Variants in XPR1 observed in about 807,000 individuals in gnomAD.
The protein encoded by XPR1 is xenotropic and polytropic retrovirus receptor 1.
Under a neutral mutation model 87.5 loss-of-function variants are expected in XPR1, and 28 were observed. That is an observed-to-expected ratio of 0.32 (90% CI 0.24 to 0.44). The LOEUF is 0.44. XPR1 is among the 20% of genes least tolerant of loss of function. The pLI, the probability that XPR1 is intolerant of heterozygous loss-of-function variation, is 1.00. For missense variants in XPR1, 559 were observed against 862.3 expected, an observed-to-expected ratio of 0.65 and a Z score of 4.41; for synonymous variants, 300 against 306.1, an observed-to-expected ratio of 0.98 and a Z score of 0.21.
intron 1 of XPR1, among the ~76,000 whole-genome samples, chr1:180,680,617 C>A (rs1656543391): frequency 6.6e-6 from 1 of 152,094 alleles, no homozygotes; most frequent in South Asian, 2.1e-4. Flanking sequence ...CTCTCCTCGG[C>A]CTCCCAAAGT....
intron 7 of XPR1, among the ~76,000 whole-genome samples, chr1:180,818,501 A>G (rs1168031807): frequency 6.6e-6 from 1 of 152,166 alleles, no homozygotes; most frequent in East Asian, 1.9e-4. Context: ...GAGAAAAACC[A>G]ATTTATAGTG....
intron 11 of XPR1, among the ~76,000 whole-genome samples, chr1:180,837,220 TGAGAA>T (rs1051871825): frequency 3.7e-4 from 56 of 152,226 alleles, no homozygotes; most frequent in African/African-American, 1.2e-3. Flanking sequence ...GCTCTTCTGT[TGAGAA>T]GAGAAAAGGC....
chr1:180,668,847 T>C (rs1656057287), intron 1 of XPR1, among the ~76,000 whole-genome samples: 1 of 152,140 alleles, frequency 6.6e-6, no homozygotes. Flanking sequence ...CCCAGCACTT[T>C]GGGAGGCCGA....
chr1:180,764,431 T>C (rs1648189490), intron 2 of XPR1, among the ~76,000 whole-genome samples: 1 of 152,078 alleles, frequency 6.6e-6, no homozygotes, highest in Admixed American at 6.6e-5. Flanking sequence ...TGTAATCTTT[T>C]TTTTTTTTAA....
At chr1:180,721,568 C>CT (rs1424117421) in intron 2 of XPR1, among the ~76,000 whole-genome samples, 4 of 152,194 alleles carry the variant, frequency 2.6e-5, no homozygotes, top group Non-Finnish European at 5.9e-5. Flanking sequence ...CATTGTCCTA[C>CT]TATATGTAAA....
At chr1:180,684,453 A>G (rs1656692885) in intron 2 of XPR1, among the ~76,000 whole-genome samples, 1 of 152,028 alleles carries the variant, frequency 6.6e-6, no homozygotes, top group African/African-American at 2.4e-5. Context: ...TTGGCTTAGG[A>G]TTGACTTGGC....
chr1:180,771,282 G>T (rs74135822), intron 2 of XPR1, among the ~76,000 whole-genome samples: 2,548 of 148,832 alleles, frequency 0.017, 68 homozygotes, highest in African/African-American at 0.057. Flanking sequence ...GTTTGAATTG[G>T]TTTTTTTTTT....
chr1:180,803,736 T>C, intron 4 of XPR1, 125 bp downstream of exon 4: 1 of 758,294 alleles, frequency 1.3e-6, no homozygotes, highest in Non-Finnish European at 2.1e-6. Context: ...CATGTTGTTA[T>C]TCTTGGGGTT....
chr1:180,845,724 T>A (rs1651658166), intron 11 of XPR1, among the ~76,000 whole-genome samples: 1 of 147,288 alleles, frequency 6.8e-6, no homozygotes, highest in Admixed American at 6.9e-5. Flanking sequence ...GTCTCACTAC[T>A]GTTGCCCAGG....
intron 14 of XPR1, among the ~76,000 whole-genome samples, chr1:180,880,875 A>G (rs1374342552): frequency 6.6e-6 from 1 of 152,176 alleles, no homozygotes; most frequent in African/African-American, 2.4e-5. Context: ...TATGTTGCTA[A>G]AAGTTACCAT....
intron 2 of XPR1, among the ~76,000 whole-genome samples, chr1:180,699,401 T>A (rs1657283484): frequency 1.8e-5 from 2 of 113,550 alleles, no homozygotes; most frequent in Admixed American, 1.8e-4. Flanking sequence ...AGTGTGATAT[T>A]CCCCTTCCTG....
At chr1:180,709,869 C>A (rs1309192828) in intron 2 of XPR1, among the ~76,000 whole-genome samples, 1 of 148,252 alleles carries the variant, frequency 6.7e-6, no homozygotes, top group African/African-American at 2.5e-5. Flanking sequence ...TGTTTTTCTC[C>A]TATTCTTGAG....
At chr1:180,815,635 T>C (rs1399812410) in intron 7 of XPR1, among the ~76,000 whole-genome samples, 1 of 152,236 alleles carries the variant, frequency 6.6e-6, no homozygotes, top group Non-Finnish European at 1.5e-5. Context: ...ATTAATTTCA[T>C]TAAGATGAAA....
chr1:180,665,461 A>G (rs1376580611), intron 1 of XPR1, among the ~76,000 whole-genome samples: 1 of 152,248 alleles, frequency 6.6e-6, no homozygotes, highest in Non-Finnish European at 1.5e-5. Flanking sequence ...ATTGGGAACC[A>G]CTGGCCTAGA....
intron 2 of XPR1, among the ~76,000 whole-genome samples, chr1:180,751,356 A>G (rs1647528761): frequency 1.3e-5 from 2 of 152,064 alleles, no homozygotes; most frequent in African/African-American, 2.4e-5. Context: ...CTAATAATAG[A>G]GGAATTCTTT....
chr1:180,654,971 C>G (rs12087837), intron 1 of XPR1, among the ~76,000 whole-genome samples: 1 of 152,092 alleles, frequency 6.6e-6, no homozygotes, highest in African/African-American at 2.4e-5. Context: ...TATAAAAAAT[C>G]AAAATCTATA....
chr1:180,805,761 A>G (rs774311488), intron 4 of XPR1, among the ~76,000 whole-genome samples: 7 of 152,262 alleles, frequency 4.6e-5, no homozygotes, highest in Non-Finnish European at 8.8e-5. Flanking sequence ...TTATACATAG[A>G]AAACAGGAAA....
At chr1:180,722,462 T>G (rs540755805) in intron 2 of XPR1, among the ~76,000 whole-genome samples, 2 of 152,312 alleles carry the variant, frequency 1.3e-5, no homozygotes, top group South Asian at 4.1e-4. Context: ...GAACTTTCAT[T>G]TTAAGACAAG....
chr1:180,781,779 A>G (rs1558005550), intron 2 of XPR1, among the ~76,000 whole-genome samples: 1 of 151,954 alleles, frequency 6.6e-6, no homozygotes, highest in African/African-American at 2.4e-5. Context: ...TTAACTCGTC[A>G]TTTAGCATTA....
Sources: gnomAD v4.1 joint callset for allele counts (sites outside exome capture counted in the v4.1 genomes callset) on GRCh38, gnomAD v4.1.1 for gene constraint, MANE v1.5 for transcripts, NCBI Gene and HGNC (gene_info 2026-07-23, HGNC 2026-07-21) for gene names.